The following SMYD3 variants were observed in gnomAD, a reference collection of about 807,000 sequenced individuals.
SMYD3 encodes SET and MYND domain containing 3.
In SMYD3, 36 loss-of-function variants were observed where a neutral mutation model predicts 57.7. That is an observed-to-expected ratio of 0.62 (90% confidence interval 0.48 to 0.82). The LOEUF (loss-of-function observed/expected upper bound fraction) is 0.82. Among genes scored for constraint, SMYD3 ranks in the 40% least tolerant of loss-of-function variants. SMYD3 has a pLI of 0.00. For synonymous variants in SMYD3, 211 were observed against 195.0 expected (o/e 1.08, Z -0.68); for missense variants, 515 against 538.8 (o/e 0.96, Z 0.44).
chr1:246,122,078 A>G (rs1265978187), intron 5 of SMYD3, among the ~76,000 whole-genome samples: 1 of 151,354 alleles, frequency 6.6e-6, no homozygotes, highest in East Asian at 1.9e-4. Context: ...AAAAAAAAAG[A>G]ATCTCCAATA....
intron 1 of SMYD3, among the ~76,000 whole-genome samples, chr1:246,440,669 C>G (rs778269568): frequency 6.6e-6 from 1 of 152,080 alleles, no homozygotes; most frequent in Non-Finnish European, 1.5e-5. Context: ...TGTTGAAGAT[C>G]TTCGATGTGA....
intron 11 of SMYD3, among the ~76,000 whole-genome samples, chr1:245,751,657 C>A (rs1212773588): frequency 6.6e-6 from 1 of 151,944 alleles, no homozygotes; most frequent in African/African-American, 2.4e-5. Flanking sequence ...CGCCTCAGAC[C>A]CTGGCCTCTC....
At chr1:246,241,268 C>T (rs56126933) in intron 5 of SMYD3, among the ~76,000 whole-genome samples, 31,440 of 152,000 alleles carry the variant, frequency 0.21, 3,926 homozygotes, top group East Asian at 0.58. Context: ...TACGTCACAT[C>T]AATGCCTAGT....
intron 8 of SMYD3, among the ~76,000 whole-genome samples, chr1:245,911,162 A>T (rs535162618): frequency 6.6e-6 from 1 of 152,128 alleles, no homozygotes; most frequent in Non-Finnish European, 1.5e-5. Flanking sequence ...TAAAACCACA[A>T]TGAGCTATCA....
chr1:246,112,629 G>T (rs2061264610), intron 5 of SMYD3, among the ~76,000 whole-genome samples: 1 of 152,020 alleles, frequency 6.6e-6, no homozygotes. Flanking sequence ...TTTACACCGT[G>T]AATAATGTGT....
At chr1:246,315,806 T>C (rs930699430) in intron 5 of SMYD3, among the ~76,000 whole-genome samples, 3 of 152,252 alleles carry the variant, frequency 2.0e-5, no homozygotes, top group Admixed American at 2.0e-4. Context: ...AGACTCTTCC[T>C]CTTTGATTAA....
intron 3 of SMYD3, among the ~76,000 whole-genome samples, chr1:246,331,314 A>C (rs1482865179): frequency 6.6e-6 from 1 of 152,254 alleles, no homozygotes. Flanking sequence ...TTTAGGAAAT[A>C]AGATAAGTAC....
chr1:246,462,394 C>T (rs527437158), intron 1 of SMYD3, among the ~76,000 whole-genome samples: 2 of 152,302 alleles, frequency 1.3e-5, no homozygotes, highest in South Asian at 4.1e-4. Context: ...CAGCGGTACC[C>T]CCATCCTTGG....
At chr1:246,308,306 T>G (rs989596239) in intron 5 of SMYD3, among the ~76,000 whole-genome samples, 2 of 152,166 alleles carry the variant, frequency 1.3e-5, no homozygotes, top group Non-Finnish European at 2.9e-5. Flanking sequence ...GAACTGAAAT[T>G]TATTAAACTG....
chr1:246,430,360 G>C (rs6699775), intron 1 of SMYD3, among the ~76,000 whole-genome samples: 1 of 152,102 alleles, frequency 6.6e-6, no homozygotes, highest in African/African-American at 2.4e-5. Flanking sequence ...CTATTTAAGA[G>C]AGGAAGGCAA....
At chr1:246,037,106 C>T (rs899880616) in intron 5 of SMYD3, among the ~76,000 whole-genome samples, 1 of 152,026 alleles carries the variant, frequency 6.6e-6, no homozygotes, top group Non-Finnish European at 1.5e-5. Context: ...CAATAAATAA[C>T]CTTACACATA....
intron 10 of SMYD3, among the ~76,000 whole-genome samples, chr1:245,855,705 A>C (rs1483380479): frequency 6.6e-6 from 1 of 152,208 alleles, no homozygotes; most frequent in Non-Finnish European, 1.5e-5. Flanking sequence ...TGCGTCATAA[A>C]AACTGAGTAA....
Position 246,091,366 on chromosome 1 carries a change from T to A in SMYD3, c.532-161429A>T, listed in dbSNP as rs571666522. Among the ~76,000 whole-genome samples, 54 of 152,242 alleles carry A rather than the reference T, an allele frequency of 3.5e-4. No individual in the cohort carries two copies. The South Asian group carries it at 8.5e-3, about 24-fold the overall frequency. On this transcript the variant is annotated intron_variant, in intron 5 of 11. Coordinates refer to ENST00000490107, the MANE Select transcript of SMYD3 (RefSeq NM_001167740.2). The stretch of plus-strand genomic sequence containing the variant: ...GGGTTGTGGGCAACAGGATTCCAAC[T>A]TTCCTATGTAGTTTCCTCCTTTCCT...
chr1:246,340,097 CTAAA>C (rs1572397878), intron 2 of SMYD3, among the ~76,000 whole-genome samples: 1 of 151,978 alleles, frequency 6.6e-6, no homozygotes, highest in Non-Finnish European at 1.5e-5. Context: ...GTTATATATA[CTAAA>C]TAGATGAAAC....
At chr1:245,849,752 A>G (rs1033295470) in intron 10 of SMYD3, among the ~76,000 whole-genome samples, 1 of 152,090 alleles carries the variant, frequency 6.6e-6, no homozygotes. Flanking sequence ...TCCCAGACTC[A>G]AGCGATCCTC....
At chr1:246,472,200 T>C (rs1300242129) in intron 1 of SMYD3, among the ~76,000 whole-genome samples, 1 of 152,000 alleles carries the variant, frequency 6.6e-6, no homozygotes, top group Non-Finnish European at 1.5e-5. Context: ...CTAGCACCCA[T>C]ACAGAACGTG....
At chr1:245,944,393 T>C (rs2057364999) in intron 5 of SMYD3, among the ~76,000 whole-genome samples, 1 of 152,108 alleles carries the variant, frequency 6.6e-6, no homozygotes, top group African/African-American at 2.4e-5. Flanking sequence ...CTATTCATAA[T>C]TGCTACAAAG....
chr1:246,246,542 A>G (rs532620414), intron 5 of SMYD3, among the ~76,000 whole-genome samples: 1 of 152,278 alleles, frequency 6.6e-6, no homozygotes, highest in Non-Finnish European at 1.5e-5. Context: ...AATTGTTCAT[A>G]TTCTGGGTTA....
chr1:246,303,296 C>T lies in SMYD3; in HGVS notation c.531+23905G>A, dbSNP rs557731561. Among the ~76,000 whole-genome samples the T allele has an allele frequency of 3.3e-5, 5 of 152,206 alleles. No homozygotes were observed. In the South Asian group the frequency reaches 1.0e-3, roughly 32 times the overall value. On this transcript the variant is annotated intron_variant, in intron 5 of 11. Coordinates refer to ENST00000490107, the MANE Select transcript of SMYD3 (RefSeq NM_001167740.2). ...AAGGTGGCCCCAAGATTCCTGCACC[C>T]CTGGAGTACACACTCTGTATAATAA...
Sources: allele counts gnomAD v4.1 joint callset (sites outside exome capture counted in the v4.1 genomes callset), GRCh38; gene constraint gnomAD v4.1.1; transcripts MANE v1.5; gene names NCBI Gene and HGNC (gene_info 2026-07-23, HGNC 2026-07-21).